The following SMC6 variants were observed in gnomAD, a reference collection of about 807,000 sequenced individuals.
SMC6 encodes the protein structural maintenance of chromosomes 6, also known as structural maintenance of chromosomes protein 6.
Under a neutral mutation model 142.2 loss-of-function variants are expected in SMC6, and 79 were observed. The observed-to-expected ratio is 0.56, with a 90% CI of 0.46 to 0.67. The LOEUF is 0.67. Among genes scored for constraint, SMC6 ranks in the 30% least tolerant of loss-of-function variants. SMC6 has a pLI of 0.00. For synonymous variants in SMC6, 411 were observed against 412.4 expected (o/e 1.00, Z 0.04); for missense variants, 1,072 against 1,284.0 (o/e 0.83, Z 2.52).
rs138478503 is a variant in SMC6 at position 17,665,503 on chromosome 2, C to G, written c.3272G>C (p.Arg1091Thr). 1 of 1,605,026 alleles carries G rather than the reference C, an allele frequency of 6.2e-7. No homozygotes were observed. Among genetic ancestry groups the G allele is most frequent in the East Asian group, 2.2e-5 (1 of 44,536 alleles). Residue 1091 changes from arginine to threonine, a missense_variant, in exon 28 of 28, where the codon AGG becomes ACG. By Grantham distance (71) the Arg-to-Thr change is moderately conservative. Around this residue, in one of 3 missense-constraint regions of SMC6, gnomAD observed 76 missense variants for 112.3 expected, o/e 0.68. Coordinates refer to ENST00000448223, the MANE Select transcript of SMC6 (RefSeq NM_001142286.2). The stretch of plus-strand genomic sequence containing the variant: ...CAAGGCATGTTAAGTTACAAATCAC[C>G]TTTGGTCATCATCTTCTTCTTGAGT... ...PVTQEEDDDQ[R>T]
chr2:17,695,365 C>A (rs1667940415), intron 22 of SMC6, 68 bp from the exon 23 acceptor site: 3 of 1,362,872 alleles, frequency 2.2e-6, no homozygotes, highest in Non-Finnish European at 3.0e-6. Flanking sequence ...ACTACTTGTG[C>A]CAAAATCTGC....
chr2:17,697,870 A>G (rs1379081021), intron 21 of SMC6, among the ~76,000 whole-genome samples: 1 of 152,124 alleles, frequency 6.6e-6, no homozygotes, highest in Non-Finnish European at 1.5e-5. Flanking sequence ...ATATCTATAC[A>G]AAAACTTGTA....
At position 17,665,156 on chromosome 2, in the gene SMC6, A is replaced by G. The variant is rs1395007501; in HGVS notation, c.*343T>C. The G allele has an allele frequency of 1.3e-5, 2 of 158,924 alleles. No individual in the cohort carries two copies. The highest frequency in any genetic ancestry group is 2.4e-5 in the African/African-American group (1 of 41,784). The allele number at this position is 158,924 out of a possible 1,614,324, so 9.8% of individuals were successfully genotyped here. A position where few individuals can be genotyped will look rare whatever the true frequency, so the allele number is the denominator to read the frequency against. On this transcript the variant is annotated 3_prime_UTR_variant, in exon 28 of 28. Coordinates refer to ENST00000448223, the MANE Select transcript of SMC6 (RefSeq NM_001142286.2). Reference sequence around the variant, plus strand: ...GCTCAAACTTTTATTTTCTTACAAAATGTTATAGAAATGAACCCAAACTAA... The same window carrying G: ...GCTCAAACTTTTATTTTCTTACAAAGTGTTATAGAAATGAACCCAAACTAA...
At chr2:17,666,641 T>C (rs1279821414) in intron 26 of SMC6, 124 bp from the exon 27 acceptor site, 1 of 683,970 alleles carries the variant, frequency 1.5e-6, no homozygotes, top group Non-Finnish European at 2.6e-6. Flanking sequence ...ACATTATCTA[T>C]GATGTCCAAG....
intron 2 of SMC6, among the ~76,000 whole-genome samples, chr2:17,752,569 T>C (rs767515407): frequency 6.6e-6 from 1 of 152,200 alleles, no homozygotes; most frequent in Non-Finnish European, 1.5e-5. Flanking sequence ...TTAGGCAATA[T>C]ACTAGTGGCC....
At chr2:17,716,942 C>T in intron 13 of SMC6, 37 bp from the exon 14 acceptor site, 1 of 1,572,078 alleles carries the variant, frequency 6.4e-7, no homozygotes, top group South Asian at 1.2e-5. Context: ...AATGTTAGTT[C>T]AATGAACAGC....
At chr2:17,693,353 T>C (rs1667823254) in intron 23 of SMC6, among the ~76,000 whole-genome samples, 1 of 152,170 alleles carries the variant, frequency 6.6e-6, no homozygotes, top group African/African-American at 2.4e-5. Flanking sequence ...CACCATGGAA[T>C]ACTATGCAGC....
intron 24 of SMC6, among the ~76,000 whole-genome samples, chr2:17,683,000 A>G (rs1667300494): frequency 6.6e-6 from 1 of 152,124 alleles, no homozygotes; most frequent in Non-Finnish European, 1.5e-5. Context: ...AAATGGAAGG[A>G]CTAGGGCTGT....
intron 3 of SMC6, among the ~76,000 whole-genome samples, chr2:17,743,821 C>A (rs1159479994): frequency 6.6e-6 from 1 of 152,172 alleles, no homozygotes; most frequent in Non-Finnish European, 1.5e-5. Context: ...TTCAGAACGT[C>A]ATATAGTTGG....
chr2:17,669,754 G>A (rs1021954618), intron 26 of SMC6, among the ~76,000 whole-genome samples: 2 of 152,184 alleles, frequency 1.3e-5, no homozygotes, highest in African/African-American at 4.8e-5. Context: ...AATGAGATAT[G>A]AAGAAGAAAA....
chr2:17,667,681 C>T (rs1349726032), intron 26 of SMC6, among the ~76,000 whole-genome samples: 2 of 152,076 alleles, frequency 1.3e-5, no homozygotes, highest in African/African-American at 4.8e-5. Flanking sequence ...AAAACCCAGT[C>T]TCTACAAAAA....
intron 26 of SMC6, among the ~76,000 whole-genome samples, chr2:17,668,005 G>A (rs981712069): frequency 1.3e-5 from 2 of 152,128 alleles, no homozygotes; most frequent in Admixed American, 6.5e-5. Context: ...TATCTGCTGT[G>A]AGAGGCCTAT....
At chr2:17,732,196 A>G (rs1455949346) in intron 5 of SMC6, among the ~76,000 whole-genome samples, 2 of 152,180 alleles carry the variant, frequency 1.3e-5, no homozygotes, top group African/African-American at 4.8e-5. Context: ...TAAGTTATAC[A>G]TTTTCCTATA....
At chr2:17,717,764 T>C (rs541851572) in intron 12 of SMC6, among the ~76,000 whole-genome samples, 2 of 152,266 alleles carry the variant, frequency 1.3e-5, no homozygotes, top group Admixed American at 6.5e-5. Context: ...GGTAAATCAC[T>C]TGAGGCCAAG....
At chr2:17,745,563 T>G (rs963545477) in intron 3 of SMC6, among the ~76,000 whole-genome samples, 1 of 152,194 alleles carries the variant, frequency 6.6e-6, no homozygotes, top group African/African-American at 2.4e-5. Context: ...TATTGGTAAT[T>G]TGTGTCTTTT....
In SMC6 at chr2:17,731,134, C is replaced by G. The variant is rs377163344; in HGVS notation, c.487G>C (p.Val163Leu). ...SYKLKSATGS[V>L]VSTRKEELIA... The stretch of plus-strand genomic sequence containing the variant: ...AGCTCTTCTTTCCTCGTGGAAACCA[C>G]GGAGCCTAGTTATAAGAAACATATG... Residue 163 changes from valine to leucine, a missense_variant, in exon 7 of 28, where the codon GTG (valine) becomes CTG (leucine). Coordinates refer to ENST00000448223, the MANE Select transcript of SMC6 (RefSeq NM_001142286.2). The G allele has an allele frequency of 6.2e-7, 1 of 1,610,222 alleles. No individual in the cohort carries two copies. The highest frequency in any genetic ancestry group is 8.5e-7 in the Non-Finnish European group (1 of 1,177,610).
At chr2:17,679,562 T>A (rs1667148637) in intron 24 of SMC6, 1 of 152,226 alleles carries the variant, frequency 6.6e-6, no homozygotes, top group Admixed American at 6.6e-5. Context: ...TATTTCCTTA[T>A]CTAACTTTCT....
intron 7 of SMC6, among the ~76,000 whole-genome samples, chr2:17,727,517 ATAT>A (rs1190815452): frequency 1.5e-3 from 233 of 151,950 alleles, no homozygotes; most frequent in African/African-American, 5.4e-3. Context: ...ATATATATAT[ATAT>A]ATATATACAC....
rs377038000 is a variant in SMC6, at chr2:17,692,027, C to T, written c.2678+3125G>A. Among the ~76,000 whole-genome samples, 5 of 152,138 alleles carry T rather than the reference C, an allele frequency of 3.3e-5. No homozygotes were observed. The South Asian group carries it at 8.3e-4, about 25-fold the overall frequency. ...CGTGAAGGACCTCTTCAAGGAGAAC[C>T]ACAAACCACTGCTCAATGAAATAAA... On this transcript the variant is annotated intron_variant, in intron 23 of 27. Transcript: ENST00000448223.
Sources: allele counts gnomAD v4.1 joint callset (sites outside exome capture counted in the v4.1 genomes callset), GRCh38; gene constraint gnomAD v4.1.1; regional missense constraint gnomAD v4.1.1; transcripts MANE v1.5; gene names NCBI Gene and HGNC (gene_info 2026-07-23, HGNC 2026-07-21).